ZBTB38: variants seen among roughly 807,000 people sequenced by gnomAD.
The protein encoded by ZBTB38 is zinc finger and BTB domain containing 38.
Under a neutral mutation model 76.8 loss-of-function variants are expected in ZBTB38, and 20 were observed. The observed-to-expected ratio is 0.26, with a 90% CI of 0.18 to 0.38. The LOEUF is 0.38. Among genes scored for constraint, ZBTB38 ranks in the 10% least tolerant of loss-of-function variants. The pLI, the probability that ZBTB38 is intolerant of heterozygous loss-of-function variation, is 1.00. For missense variants in ZBTB38, 1,082 were observed against 1,482.3 expected (o/e 0.73, Z 4.43); for synonymous variants, 504 against 544.2 (o/e 0.93, Z 1.03).
At chr3:141,326,684 T>G (rs1247147114) in intron 1 of ZBTB38, among the ~76,000 whole-genome samples, 2 of 152,232 alleles carry the variant, frequency 1.3e-5, no homozygotes, top group Non-Finnish European at 2.9e-5. Context: ...GTTGTGTTTT[T>G]TTACAATGAT....
At chr3:141,402,039 C>T (rs927027444) in intron 4 of ZBTB38, among the ~76,000 whole-genome samples, 4 of 152,256 alleles carry the variant, frequency 2.6e-5, no homozygotes, top group Non-Finnish European at 4.4e-5. Context: ...TGACAGTCAC[C>T]AGGCTCTGTG....
intron 4 of ZBTB38, among the ~76,000 whole-genome samples, chr3:141,398,300 G>T (rs1308484160): frequency 6.6e-6 from 1 of 151,724 alleles, no homozygotes; most frequent in African/African-American, 2.4e-5. Flanking sequence ...CAATATTTTT[G>T]TTTCTTGGTT....
chr3:141,443,194 T>C lies in ZBTB38; in HGVS notation c.806T>C (p.Phe269Ser), dbSNP rs2150977542. The stretch of plus-strand genomic sequence containing the variant: ...AAAACATGCCGGAAGCCAAAGACAT[T>C]CTCCATACCACAGGATTCGGATTCA... ...KPKTCRKPKT[F>S]SIPQDSDSAT... Residue 269 changes from phenylalanine to serine, a missense_variant, in exon 6 of 6, where the codon TTC (phenylalanine) becomes TCC (serine). By Grantham distance (155) the Phe-to-Ser change is radical. Transcript: ENST00000321464. The surrounding 1 kb of genome is among the most constrained non-coding windows in gnomAD (Gnocchi z 5.6). The C allele has an allele frequency of 1.2e-6, 2 of 1,614,112 alleles. No individual in the cohort carries two copies. Among genetic ancestry groups the C allele is most frequent in the Non-Finnish European group, 1.7e-6 (2 of 1,180,020 alleles).
At chr3:141,397,352 T>C (rs1441149670) in intron 4 of ZBTB38, among the ~76,000 whole-genome samples, 1 of 152,218 alleles carries the variant, frequency 6.6e-6, no homozygotes, top group Admixed American at 6.5e-5. Context: ...TGGATTAGGC[T>C]TCGGCTAAAG....
At chr3:141,418,436 C>G (rs1045246755) in intron 5 of ZBTB38, among the ~76,000 whole-genome samples, 2 of 152,200 alleles carry the variant, frequency 1.3e-5, no homozygotes, top group Non-Finnish European at 2.9e-5. Flanking sequence ...TGCACTGACT[C>G]CTGTTCCCCA....
At chr3:141,394,473 A>T (rs1002857461) in intron 4 of ZBTB38, 2 of 152,238 alleles carry the variant, frequency 1.3e-5, no homozygotes, top group African/African-American at 4.8e-5. Flanking sequence ...CTTTTTATTC[A>T]TGCTATGTGA....
At chr3:141,358,246 T>A (rs557286500) in intron 1 of ZBTB38, among the ~76,000 whole-genome samples, 1 of 152,080 alleles carries the variant, frequency 6.6e-6, no homozygotes, top group East Asian at 1.9e-4. Context: ...AGGGAGAACA[T>A]TTGAATTGAA....
intron 5 of ZBTB38, among the ~76,000 whole-genome samples, chr3:141,432,475 G>C (rs2077840126): frequency 6.6e-6 from 1 of 152,256 alleles, no homozygotes; most frequent in South Asian, 2.1e-4. Flanking sequence ...GAGTGGCTTT[G>C]AATAAGTGAC....
chr3:141,412,041 T>A (rs572597067), intron 5 of ZBTB38, among the ~76,000 whole-genome samples: 1 of 152,210 alleles, frequency 6.6e-6, no homozygotes, highest in Non-Finnish European at 1.5e-5. Flanking sequence ...TTGTTTTTCC[T>A]TTTATGAAGT....
At chr3:141,409,191 A>G (rs1416848132) in intron 5 of ZBTB38, among the ~76,000 whole-genome samples, 1 of 152,124 alleles carries the variant, frequency 6.6e-6, no homozygotes, top group Non-Finnish European at 1.5e-5. Context: ...CATTACAGGC[A>G]ACTGCCACCA....
chr3:141,410,034 C>T (rs918357912), intron 5 of ZBTB38, among the ~76,000 whole-genome samples: 2 of 152,180 alleles, frequency 1.3e-5, no homozygotes, highest in Non-Finnish European at 2.9e-5. Flanking sequence ...TCACCTATAA[C>T]CAAAGAAGGT....
chr3:141,418,874 A>G (rs992799248), intron 5 of ZBTB38, among the ~76,000 whole-genome samples: 7 of 152,232 alleles, frequency 4.6e-5, no homozygotes, highest in Admixed American at 1.3e-4. Context: ...TAAACGCAAG[A>G]TGGTAGAAAA....
At chr3:141,412,071 TC>T (rs1956842460) in intron 5 of ZBTB38, among the ~76,000 whole-genome samples, 1 of 152,206 alleles carries the variant, frequency 6.6e-6, no homozygotes. Flanking sequence ...TGTCTTAACC[TC>T]CAATCCTAGC....
At chr3:141,348,593 A>T (rs1441889008) in intron 1 of ZBTB38, among the ~76,000 whole-genome samples, 1 of 152,212 alleles carries the variant, frequency 6.6e-6, no homozygotes, top group Non-Finnish European at 1.5e-5. Flanking sequence ...AAGCAAGTCA[A>T]TGTGGCTACC....
At chr3:141,381,833 T>G (rs1432195073) in intron 3 of ZBTB38, among the ~76,000 whole-genome samples, 1 of 152,148 alleles carries the variant, frequency 6.6e-6, no homozygotes, top group Non-Finnish European at 1.5e-5. Context: ...CTGGGCTTGA[T>G]TTTTTAGAAT....
intron 1 of ZBTB38, among the ~76,000 whole-genome samples, chr3:141,330,391 C>G (rs1942812478): frequency 6.6e-6 from 1 of 152,264 alleles, no homozygotes; most frequent in Non-Finnish European, 1.5e-5. Context: ...TTGCAACCCA[C>G]TCACCAGAAA....
intron 2 of ZBTB38, among the ~76,000 whole-genome samples, chr3:141,371,045 C>CTTTCCTTTTTTTTTTTTTTTTTT (rs1944498561): frequency 5.6e-5 from 4 of 72,006 alleles, no homozygotes; most frequent in African/African-American, 3.1e-4. Context: ...TTCTTTCTTT[C>CTTTCCTTTTTTTTTTTTTTTTTT]TTTTTTTTTT....
chr3:141,413,192 T>G lies in ZBTB38; in HGVS notation c.-1+9161T>G, dbSNP rs1291029748. Among the ~76,000 whole-genome samples, 4 of 152,158 alleles carry G rather than the reference T, an allele frequency of 2.6e-5. No homozygotes were observed. The highest frequency in any genetic ancestry group is 5.9e-5 in the Non-Finnish European group (4 of 68,030). ...GCCCATACAGATGATCTCTGTACGC[T>G]GGTATTTTGCGCCTGGAGCCAGGTG... On this transcript the variant is annotated intron_variant, in intron 5 of 5. Coordinates refer to ENST00000321464, the MANE Select transcript of ZBTB38 (RefSeq NM_001376113.1). The surrounding 1 kb of genome is among the most constrained non-coding windows in gnomAD (Gnocchi z 4.1).
chr3:141,365,625 A>G (rs1481943390), upstream of ZBTB38, among the ~76,000 whole-genome samples: 1 of 152,150 alleles, frequency 6.6e-6, no homozygotes, highest in Non-Finnish European at 1.5e-5. Flanking sequence ...GAGGACAAAT[A>G]TTTGAACCAT....
Sources: gnomAD v4.1 joint callset for allele counts (sites outside exome capture counted in the v4.1 genomes callset) on GRCh38, gnomAD v4.1.1 for gene constraint, Gnocchi (gnomAD v3.1) non-coding constraint, MANE v1.5 for transcripts, NCBI Gene and HGNC (gene_info 2026-07-23, HGNC 2026-07-21) for gene names.